NUP85: variants seen among roughly 807,000 people sequenced by gnomAD.
NUP85 encodes nuclear pore complex protein Nup85.
Under a neutral mutation model 92.8 loss-of-function variants are expected in NUP85, and 23 were observed. That is an observed-to-expected ratio of 0.25 (90% CI 0.18 to 0.35). The LOEUF is 0.35. Ranked by LOEUF, NUP85 falls within the 10% of genes least tolerant of loss-of-function variation. The pLI is 1.00. For synonymous variants in NUP85, 314 were observed against 306.9 expected, an observed-to-expected ratio of 1.02 and a Z score of -0.24; for missense variants, 759 against 822.8, an observed-to-expected ratio of 0.92 and a Z score of 0.95.
At position 75,231,294 on chromosome 17, in the gene NUP85, G is replaced by A. The variant is rs1340875169; in HGVS notation, c.1095-46G>A. On this transcript the variant is annotated intron_variant, in intron 11 of 18. Transcript: ENST00000245544. The surrounding 1 kb of genome is among the most constrained non-coding windows in gnomAD (Gnocchi z 4.6). ...CTCACCCCCACTCTTGTGGGACGCG[G>A]CCTGTGCCCTGATTTTCCTTCTTGC... 1.3e-6 allele frequency: 2 copies of A among 1,595,492 alleles called. No homozygotes were observed. Among genetic ancestry groups the A allele is most frequent in the South Asian group, 1.1e-5 (1 of 90,696 alleles).
At chr17:75,234,096 C>G (rs112359502) in intron 16 of NUP85, among the ~76,000 whole-genome samples, 9,879 of 147,526 alleles carry the variant, frequency 0.067, 899 homozygotes, top group African/African-American at 0.2. Flanking sequence ...CTGTCGCCCA[C>G]GCTGGAGTGC....
At chr17:75,226,214 C>T (rs2075788824) in intron 11 of NUP85, 57 bp downstream of exon 11, 1 of 1,449,906 alleles carries the variant, frequency 6.9e-7, no homozygotes, top group Non-Finnish European at 9.7e-7. Flanking sequence ...ATATCACCAC[C>T]TTGCGTTTCT....
chr17:75,206,871 G>A (rs1459606630), intron 1 of NUP85, among the ~76,000 whole-genome samples: 1 of 151,350 alleles, frequency 6.6e-6, no homozygotes, highest in Non-Finnish European at 1.5e-5. Context: ...CTAATTTTTT[G>A]TACTTTTTTG....
At chr17:75,212,083 CG>C in intron 4 of NUP85, 21 bp downstream of exon 4, 1 of 941,622 alleles carries the variant, frequency 1.1e-6, no homozygotes, top group Middle Eastern at 2.8e-4. Context: ...TGTGCGCGTG[CG>C]CGCGTGTGTG....
intron 6 of NUP85, 32 bp from the exon 7 acceptor site, chr17:75,218,153 C>T (rs2075487274): frequency 1.9e-6 from 3 of 1,613,140 alleles, no homozygotes; most frequent in East Asian, 2.2e-5. Flanking sequence ...GAAGCTGAGG[C>T]TTTTGTGTGT....
At chr17:75,224,762 G>T (rs1001070799) in intron 7 of NUP85, among the ~76,000 whole-genome samples, 1 of 151,344 alleles carries the variant, frequency 6.6e-6, no homozygotes, top group African/African-American at 2.4e-5. Context: ...AACCCGGGAA[G>T]TGGAGGTTGC....
In NUP85 at chr17:75,205,808, G is replaced by T. The variant is rs2075059903; in HGVS notation, c.33+14G>T. The T allele has an allele frequency of 6.2e-7, 1 of 1,613,994 alleles. No homozygotes were observed. On this transcript the variant is annotated intron_variant, in intron 1 of 18. Transcript: ENST00000245544. ...CCAACAGTCACTGTAAGGGTACCCC[G>T]AACAGGCTTGCTCGTCCTTGCGGGT...
Position 75,231,888 on chromosome 17 carries a change from G to A in NUP85, c.1305G>A (p.Leu435=), listed in dbSNP as rs370631803. ...DYCPELGRVS[L]ELHIERIPLN... Reference sequence around the variant, plus strand: ...GCCCCGAGCTGGGCCGAGTCTCCCTGGAGCTGCACATTGAGCGGATACCTC... The same window carrying A: ...GCCCCGAGCTGGGCCGAGTCTCCCTAGAGCTGCACATTGAGCGGATACCTC... Residue 435 remains leucine (L), a synonymous_variant, in exon 14 of 19, where the codon CTG becomes CTA. Coordinates refer to ENST00000245544, the MANE Select transcript of NUP85 (RefSeq NM_024844.5). The surrounding 1 kb of genome is among the most constrained non-coding windows in gnomAD (Gnocchi z 4.6). 6.7e-5 allele frequency: 108 copies of A among 1,614,072 alleles called. 1 individual carries two copies. In the East Asian group the frequency reaches 1.0e-3, roughly 15 times the overall value.
intron 6 of NUP85, 36 bp from the exon 7 acceptor site, chr17:75,218,149 G>A (rs765396105): frequency 1.9e-6 from 3 of 1,612,918 alleles, no homozygotes; most frequent in Non-Finnish European, 2.5e-6. Context: ...AGATGAAGCT[G>A]AGGCTTTTGT....
At chr17:75,227,643 G>GTT (rs549759496) in intron 11 of NUP85, among the ~76,000 whole-genome samples, 4 of 139,952 alleles carry the variant, frequency 2.9e-5, no homozygotes, top group South Asian at 2.3e-4. Context: ...GCCCTGCCAA[G>GTT]TTTTTTTTTT....
intron 14 of NUP85, 65 bp from the exon 15 acceptor site, chr17:75,232,786 C>A: frequency 1.4e-6 from 2 of 1,459,246 alleles, no homozygotes; most frequent in Non-Finnish European, 1.9e-6. Flanking sequence ...CCGGTCCCCA[C>A]AGGGCTCAGG....
rs773238012 is a variant in NUP85 at position 75,235,221 on chromosome 17, T to C, written c.1869+20T>C. ...CTCCAGGTCATTTTCACTTTTGGGT[T>C]GATGGTTCCACATGGAGGTGGGAAA... On this transcript the variant is annotated intron_variant, in intron 18 of 18. Transcript: ENST00000245544. 45 of 1,585,808 alleles carry C rather than the reference T, an allele frequency of 2.8e-5. No individual in the cohort carries two copies. The highest frequency in any genetic ancestry group is 2.2e-4 in the Admixed American group (13 of 57,826).
At chr17:75,228,849 G>A (rs1177105425) in intron 11 of NUP85, 2 of 985,352 alleles carry the variant, frequency 2.0e-6, no homozygotes, top group Non-Finnish European at 2.4e-6. Context: ...AGGGGATCCT[G>A]ACTCAGAGGC....
At chr17:75,211,002 T>TA (rs1162298534) in intron 3 of NUP85, among the ~76,000 whole-genome samples, 1 of 62,780 alleles carries the variant, frequency 1.6e-5, no homozygotes, top group Non-Finnish European at 3.7e-5. Context: ...TGCCTGGCCC[T>TA]GTTTTTTTTT....
intron 7 of NUP85, among the ~76,000 whole-genome samples, chr17:75,218,587 C>CTTTTT (rs2075499857): frequency 3.3e-4 from 8 of 24,334 alleles, no homozygotes; most frequent in South Asian, 2.4e-3. Flanking sequence ...AATACAAAAC[C>CTTTTT]GTTTTTTTTT....
In NUP85 at chr17:75,209,922, A is replaced by T. The variant is rs2075206432; in HGVS notation, c.227A>T (p.His76Leu). Residue 76 changes from histidine (H) to leucine (L), a missense_variant, in exon 3 of 19, where the codon CAT (histidine) becomes CTT (leucine). His to Leu is a moderately conservative substitution (Grantham distance 99). Coordinates refer to ENST00000245544, the MANE Select transcript of NUP85 (RefSeq NM_024844.5). Reference protein sequence around the residue: ...QILRKLFNESHGIFLGLQRID... With the variant: ...QILRKLFNESLGIFLGLQRID... ...TTGAGAAAACTCTTCAATGAATCCC[A>T]TGGAATCTTTCTGGGCCTCCAGAGA... 1.3e-6 allele frequency: 2 copies of T among 1,585,966 alleles called. No homozygotes were observed. The highest frequency in any genetic ancestry group is 1.4e-5 in the African/African-American group (1 of 72,724).
chr17:75,220,845 G>A (rs1187374093), intron 7 of NUP85, among the ~76,000 whole-genome samples: 2 of 145,904 alleles, frequency 1.4e-5, no homozygotes, highest in African/African-American at 5.0e-5. Context: ...GACCTCAAGT[G>A]ATTTGCCTGC....
At chr17:75,227,721 T>C (rs2075874857) in intron 11 of NUP85, among the ~76,000 whole-genome samples, 1 of 152,118 alleles carries the variant, frequency 6.6e-6, no homozygotes, top group African/African-American at 2.4e-5. Flanking sequence ...CACTGCAGCC[T>C]TGACCTCCTG....
chr17:75,205,720 A>AT lies in NUP85; in HGVS notation c.-40dup. The AT allele has an allele frequency of 6.2e-7, 1 of 1,613,766 alleles. No homozygotes were observed. The highest frequency in any genetic ancestry group is 1.1e-5 in the South Asian group (1 of 91,080). On this transcript the variant is annotated 5_prime_UTR_variant, in exon 1 of 19. Transcript: ENST00000245544. ...TGAGCGGGAGGCCTGAGCGGGAAGC[A>AT]TTGGCGTCCGAGCGACTTCTAGGAG... is the stretch of plus-strand genomic sequence containing the variant.
Sources: gnomAD v4.1 joint callset for allele counts (sites outside exome capture counted in the v4.1 genomes callset) on GRCh38, gnomAD v4.1.1 for gene constraint, Gnocchi (gnomAD v3.1) non-coding constraint, MANE v1.5 for transcripts, NCBI Gene and HGNC (gene_info 2026-07-23, HGNC 2026-07-21) for gene names.